The following L1CAM variants were observed in gnomAD, a reference collection of about 807,000 sequenced individuals.
The protein encoded by L1CAM is neural cell adhesion molecule L1.
A neutral mutation model predicts 93.0 loss-of-function variants in L1CAM; 8 were observed. That is an observed-to-expected ratio of 0.09 (90% CI 0.05 to 0.16). The LOEUF is 0.16. L1CAM is among the 10% of genes least tolerant of loss of function. L1CAM has a pLI of 1.00. For synonymous variants in L1CAM, 453 were observed against 453.0 expected (o/e 1.00, Z 0.00); for missense variants, 777 against 1,073.4 (o/e 0.72, Z 3.86).
chrX:153,867,635 G>A (rs2064726382), intron 16 of L1CAM, 82 bp from the exon 17 acceptor site: 10 of 1,009,953 alleles, frequency 9.9e-6, no homozygotes, highest in Non-Finnish European at 1.4e-5. Context: ...TACAGTCTGG[G>A]TCCCTGATTA....
rs781814421 is a variant in L1CAM at position 153,862,848 on chromosome X, C to T, written c.3589G>A (p.Gly1197Arg). Reference sequence around the variant, plus strand: ...TCACTGCCCAGGGGCTTGATGTCCCCGTTGAGCGATGGCTGGCTGCTGCCA... The same window carrying T: ...TCACTGCCCAGGGGCTTGATGTCCCTGTTGAGCGATGGCTGGCTGCTGCCA... ...AFGSSQPSLNGDIKPLGSDDS... is the reference protein window; with the variant it reads ...AFGSSQPSLNRDIKPLGSDDS... The change falls in exon 29 of 29, where the codon GGG becomes AGG. Residue 1197 changes from glycine (G) to arginine (R), a missense_variant. Physicochemically the swap from Gly to Arg is moderately radical, Grantham distance 125. This residue lies in a region of L1CAM where 110 missense variants were observed against 141.7 expected (regional missense o/e 0.78). Transcript: ENST00000370060. 17 of 1,211,213 alleles carry T rather than the reference C, an allele frequency of 1.4e-5. No individual in the cohort carries two copies. Among genetic ancestry groups the T allele is most frequent in the African/African-American group, 1.0e-4 (6 of 57,578 alleles).
intron 1 of L1CAM, chrX:153,885,786 C>A (rs1013994379): frequency 4.2e-5 from 34 of 801,648 alleles, no homozygotes; most frequent in Middle Eastern, 9.7e-4. Flanking sequence ...CCTGACGCCC[C>A]CCGCCCTGTT....
chrX:153,885,852 C>A, intron 1 of L1CAM: 1 of 812,074 alleles, frequency 1.2e-6, no homozygotes. Context: ...CTGTCGGGCT[C>A]GGGCACCCGG....
intron 13 of L1CAM, 23 bp from the exon 14 acceptor site, chrX:153,868,481 G>C (rs1378026553): frequency 2.5e-6 from 3 of 1,210,633 alleles, no homozygotes; most frequent in Non-Finnish European, 3.4e-6. Flanking sequence ...CGTGCGTGGG[G>C]AAGTCACTCT....
chrX:153,883,760 C>A (rs202155519), intron 1 of L1CAM: 1 of 341,683 alleles, frequency 2.9e-6, no homozygotes, highest in Non-Finnish European at 5.9e-6. Context: ...CTCACAGGAC[C>A]CCACCACTAC....
chrX:153,864,108 G>A, intron 25 of L1CAM, 91 bp from the exon 26 acceptor site: 2 of 1,148,677 alleles, frequency 1.7e-6, no homozygotes, highest in Non-Finnish European at 2.4e-6. Flanking sequence ...GGGGCCCTCT[G>A]GGGGGCTAAG....
chrX:153,876,398 G>A (rs912900819), intron 1 of L1CAM: 1 of 169,407 alleles, frequency 5.9e-6, no homozygotes, highest in East Asian at 1.6e-4. Context: ...ACTCATGAGT[G>A]GGTGTGTTAG....
chrX:153,868,962 G>A lies in L1CAM; in HGVS notation c.1268-10C>T, dbSNP rs112841948. 7.0e-3 allele frequency: 8,298 copies of A among 1,178,979 alleles called. 405 individuals are homozygous for A. The African/African-American group carries it at 0.13, about 18-fold the overall frequency. ...ATCTTGGCTGGCAGCTCTAGGGGAG[G>A]AACAGCCTCAGGAGACAGGGCAGGA... On this transcript the variant is annotated splice_polypyrimidine_tract_variant and intron_variant, in intron 11 of 28. Coordinates refer to ENST00000370060, the MANE Select transcript of L1CAM (RefSeq NM_001278116.2).
At chrX:153,867,270 CT>C (rs1225809310) in intron 17 of L1CAM, 85 bp downstream of exon 17, 1 of 1,024,137 alleles carries the variant, frequency 9.8e-7, no homozygotes, top group Non-Finnish European at 1.4e-6. Flanking sequence ...AGCAGAGGAA[CT>C]TGGGCATGGC....
At position 153,875,962 on chromosome X, in the gene L1CAM, G is replaced by A. The variant is rs199878691; in HGVS notation, c.-108-18C>T. 4.7e-5 allele frequency: 25 copies of A among 537,432 alleles called. No homozygotes were observed. Among genetic ancestry groups the A allele is most frequent in the Non-Finnish European group, 6.1e-5 (19 of 312,060 alleles). The allele number at this position is 537,432 out of a possible 1,213,427, so 44.3% of individuals were successfully genotyped here. On this transcript the variant is annotated intron_variant, in intron 1 of 28. Transcript: ENST00000370060. ...TGGGGGCACTGGGAGAGGGGAGAAG[G>A]GAAGGGAAGGGTGGGGGAAGAGAGA...
In L1CAM at chrX:153,868,472, G is replaced by A. The variant is rs145192924; in HGVS notation, c.1547-14C>T. On this transcript the variant is annotated splice_polypyrimidine_tract_variant and intron_variant, in intron 13 of 28. Coordinates refer to ENST00000370060, the MANE Select transcript of L1CAM (RefSeq NM_001278116.2). ...TCTGAGTTGCATCTGAGGGTAATGCGTGCGTGGGGAAGTCACTCTGTTGTC... is the reference window on the plus strand; with the variant it reads ...TCTGAGTTGCATCTGAGGGTAATGCATGCGTGGGGAAGTCACTCTGTTGTC... The A allele has an allele frequency of 7.5e-5, 91 of 1,210,528 alleles. No homozygotes were observed. The highest frequency in any genetic ancestry group is 5.7e-4 in the African/African-American group (33 of 57,444).
intron 1 of L1CAM, chrX:153,884,200 C>G (rs371706434): frequency 1.0e-6 from 1 of 993,485 alleles, no homozygotes. Flanking sequence ...GCCCAGAGCC[C>G]GGCCCAAAGG....
Position 153,865,124 on chromosome X carries a change from C to T in L1CAM, c.2836G>A (p.Gly946Ser). ...GAGAGCACGTAGCCGGTGAGCACGCCGTTGTGGCTGAGTGGGGGCTGCCAG... is the reference window on the plus strand; with the variant it reads ...GAGAGCACGTAGCCGGTGAGCACGCTGTTGTGGCTGAGTGGGGGCTGCCAG... ...LRWQPPLSHNGVLTGYVLSYH... is the reference protein window; with the variant it reads ...LRWQPPLSHNSVLTGYVLSYH... The change falls in exon 22 of 29, where the codon GGC becomes AGC. Residue 946 changes from glycine to serine, a missense_variant. Physicochemically the swap from Gly to Ser is moderately conservative, Grantham distance 56. Around this residue, in one of 5 missense-constraint regions of L1CAM, gnomAD observed 71 missense variants for 77.4 expected, o/e 0.92. Coordinates refer to ENST00000370060, the MANE Select transcript of L1CAM (RefSeq NM_001278116.2). 8.3e-7 allele frequency: 1 copy of T among 1,210,424 alleles called. No homozygotes were observed. Among genetic ancestry groups the T allele is most frequent in the Non-Finnish European group, 1.1e-6 (1 of 895,142 alleles).
At position 153,875,809 on chromosome X, in the gene L1CAM, G is replaced by A. The variant is rs144605615; in HGVS notation, c.28C>T (p.Pro10Ser). ...AGGCAGGGGCTGCAGAGGAGGAGAGGCCACACGTACCGCAGCGCCACGACC... is the reference window on the plus strand; with the variant it reads ...AGGCAGGGGCTGCAGAGGAGGAGAGACCACACGTACCGCAGCGCCACGACC... MVVALRYVWPLLLCSPCLLI... is the reference protein window; with the variant it reads MVVALRYVWSLLLCSPCLLI... Residue 10 changes from proline to serine, a missense_variant, in exon 2 of 29, where the codon CCT (proline) becomes TCT (serine). Coordinates refer to ENST00000370060, the MANE Select transcript of L1CAM (RefSeq NM_001278116.2). 1.6e-3 allele frequency: 1,975 copies of A among 1,208,295 alleles called. 18 individuals carry two copies. In the African/African-American group the frequency reaches 0.032, roughly 19 times the overall value.
chrX:153,869,717 G>T, intron 10 of L1CAM, 54 bp from the exon 11 acceptor site: 1 of 1,201,520 alleles, frequency 8.3e-7, no homozygotes, highest in Non-Finnish European at 1.1e-6. Flanking sequence ...GAGCTGCGTT[G>T]AGGCCCTTCC....
In L1CAM at chrX:153,875,884, C is replaced by A; in HGVS notation, c.-48G>T. ...CACAGCCAGCCGGGCTCGGTTCAGGCTCCGGCCGGAGGGGAAGGGGGCTGG... is the reference window on the plus strand; with the variant it reads ...CACAGCCAGCCGGGCTCGGTTCAGGATCCGGCCGGAGGGGAAGGGGGCTGG... On this transcript the variant is annotated 5_prime_UTR_variant, in exon 2 of 29. Coordinates refer to ENST00000370060, the MANE Select transcript of L1CAM (RefSeq NM_001278116.2). 8.7e-7 allele frequency: 1 copy of A among 1,151,941 alleles called. No homozygotes were observed. Among genetic ancestry groups the A allele is most frequent in the Non-Finnish European group, 1.2e-6 (1 of 851,342 alleles). The allele number at this position is 1,151,941 out of a possible 1,213,427, so 94.9% of individuals were successfully genotyped here. A position where few individuals can be genotyped will look rare whatever the true frequency, so the allele number is the denominator to read the frequency against.
At position 153,885,709 on chromosome X, in the gene L1CAM, T is replaced by G. The variant is rs976154645; in HGVS notation, c.-109+356A>C. On this transcript the variant is annotated intron_variant, in intron 1 of 28. Transcript: ENST00000370060. The stretch of plus-strand genomic sequence containing the variant: ...AGCGCTCGACCCGATCTGGCTTCCT[T>G]TCTCAGACACGCACACACGCACGGG... 6 of 398,054 alleles carry G rather than the reference T, an allele frequency of 1.5e-5. No individual in the cohort carries two copies. The African/African-American group carries it at 1.6e-4, about 11-fold the overall frequency. The allele number at this position is 398,054 out of a possible 1,213,427, so 32.8% of individuals were successfully genotyped here.
In L1CAM at chrX:153,862,307, A is replaced by G; in HGVS notation, c.*356T>C. On this transcript the variant is annotated 3_prime_UTR_variant, in exon 29 of 29. Coordinates refer to ENST00000370060, the MANE Select transcript of L1CAM (RefSeq NM_001278116.2). Reference sequence around the variant, plus strand: ...AGGTGCCAACCCTGGTCCTGAGGAGACCCCACCATGTCTGCCCCCAGTCAG... The same window carrying G: ...AGGTGCCAACCCTGGTCCTGAGGAGGCCCCACCATGTCTGCCCCCAGTCAG... 1 of 217,095 alleles carries G rather than the reference A, an allele frequency of 4.6e-6. No homozygotes were observed. Among genetic ancestry groups the G allele is most frequent in the African/African-American group, 2.9e-5 (1 of 34,929 alleles). 17.9% of individuals were successfully genotyped at this position (217,095 alleles called of 1,213,427 possible).
At chrX:153,885,527 C>G (rs1426420293) in intron 1 of L1CAM, 1 of 556,988 alleles carries the variant, frequency 1.8e-6, no homozygotes, top group East Asian at 9.3e-5. Flanking sequence ...CAGGCAGCGC[C>G]CAGTCCCGTT....
Sources: allele counts gnomAD v4.1 joint callset, GRCh38; gene constraint gnomAD v4.1.1; regional missense constraint gnomAD v4.1.1; transcripts MANE v1.5; gene names NCBI Gene and HGNC (gene_info 2026-07-23, HGNC 2026-07-21).